TFEC: variants seen among roughly 807,000 people sequenced by gnomAD.
TFEC encodes the protein class E basic helix-loop-helix protein 34.
TFEC carries 31 observed loss-of-function variants against 41.6 expected under a neutral mutation model. The ratio of observed to expected loss-of-function variants is 0.74; its 90% CI spans 0.56 to 1.01. The LOEUF (loss-of-function observed/expected upper bound fraction) is 1.01. TFEC is among the 50% of genes least tolerant of loss of function. The pLI, the probability that TFEC is intolerant of heterozygous loss-of-function variation, is 0.00. For missense variants in TFEC, 402 were observed against 404.1 expected, an observed-to-expected ratio of 0.99 and a Z score of 0.04; for synonymous variants, 143 against 140.6, an observed-to-expected ratio of 1.02 and a Z score of -0.12.
chr7:116,022,681 T>C (rs1259764234), intron 1 of TFEC, among the ~76,000 whole-genome samples: 1 of 152,188 alleles, frequency 6.6e-6, no homozygotes, highest in South Asian at 2.1e-4. Flanking sequence ...TGTTCAAATA[T>C]AGTATTTTGT....
chr7:115,980,966 A>G (rs1793605626), intron 2 of TFEC, among the ~76,000 whole-genome samples: 1 of 152,170 alleles, frequency 6.6e-6, no homozygotes, highest in African/African-American at 2.4e-5. Flanking sequence ...ATGAGATAAT[A>G]TAAGATTATT....
chr7:116,059,597 T>C (rs1032486976), intron 3 of TFEC, among the ~76,000 whole-genome samples: 14 of 151,944 alleles, frequency 9.2e-5, no homozygotes, highest in Non-Finnish European at 8.8e-5. Flanking sequence ...AACAAATATC[T>C]TGCAAAACAA....
At chr7:115,992,071 T>C (rs1329273112) in intron 1 of TFEC, among the ~76,000 whole-genome samples, 1 of 152,046 alleles carries the variant, frequency 6.6e-6, no homozygotes, top group Non-Finnish European at 1.5e-5. Context: ...ACCACACAAC[T>C]ACATGGAAAC....
intron 3 of TFEC, among the ~76,000 whole-genome samples, chr7:116,083,353 TA>T (rs950741300): frequency 7.9e-5 from 12 of 151,212 alleles, no homozygotes; most frequent in Admixed American, 3.3e-4. Flanking sequence ...AGCATAAATC[TA>T]AAAAAAAATT....
In TFEC at chr7:115,936,974, G is replaced by A. The variant is rs142816872; in HGVS notation, c.*3577C>T. On this transcript the variant is annotated 3_prime_UTR_variant, in exon 8 of 8. Transcript: ENST00000265440. ...CCATCTGTACATATATTCTCCATTT[G>A]ATATAGGAAAAATTCAAGAAGAAAA... 4.0e-5 allele frequency: 6 copies of A among 151,282 alleles called. No homozygotes were observed. The highest frequency in any genetic ancestry group is 1.2e-4 in the African/African-American group (5 of 41,372). 9.4% of individuals were successfully genotyped at this position (151,282 alleles called of 1,614,324 possible). A position where few individuals can be genotyped will look rare whatever the true frequency, so the allele number is the denominator to read the frequency against.
At chr7:116,023,303 T>G (rs1294286550) in intron 1 of TFEC, among the ~76,000 whole-genome samples, 2 of 152,208 alleles carry the variant, frequency 1.3e-5, no homozygotes, top group Non-Finnish European at 2.9e-5. Context: ...AAGACTCATG[T>G]ATTCCAAAGT....
chr7:115,979,716 G>A (rs1448570446), intron 2 of TFEC, among the ~76,000 whole-genome samples: 1 of 151,906 alleles, frequency 6.6e-6, no homozygotes, highest in Non-Finnish European at 1.5e-5. Context: ...TCTCTTAACA[G>A]TCCCTTCATC....
chr7:116,022,391 G>C (rs900761253), intron 1 of TFEC, among the ~76,000 whole-genome samples: 17 of 152,144 alleles, frequency 1.1e-4, no homozygotes, highest in African/African-American at 4.1e-4. Context: ...AGCATTGTTT[G>C]AGCAGCATTT....
chr7:116,066,557 A>G (rs191916393), intron 3 of TFEC, among the ~76,000 whole-genome samples: 233 of 152,176 alleles, frequency 1.5e-3, no homozygotes, highest in African/African-American at 5.4e-3. Context: ...TATCTTTGGG[A>G]GTAAAAATTT....
intron 3 of TFEC, among the ~76,000 whole-genome samples, chr7:116,098,867 A>AAATGAAGG (rs1208332693): frequency 2.5e-4 from 29 of 115,044 alleles, no homozygotes; most frequent in Non-Finnish European, 3.7e-4. Flanking sequence ...GAGAGGAAGA[A>AAATGAAGG]AAGGAAGGAA....
chr7:115,980,622 T>C (rs1793584083), intron 2 of TFEC, among the ~76,000 whole-genome samples: 1 of 152,020 alleles, frequency 6.6e-6, no homozygotes, highest in African/African-American at 2.4e-5. Flanking sequence ...TGGTGGCTTG[T>C]GCCTGTAGTC....
intron 3 of TFEC, among the ~76,000 whole-genome samples, chr7:116,054,603 C>T (rs1796385896): frequency 6.6e-6 from 1 of 151,980 alleles, no homozygotes; most frequent in African/African-American, 2.4e-5. Context: ...CCAGATTTAG[C>T]AAATAAAAAA....
intron 1 of TFEC, among the ~76,000 whole-genome samples, chr7:116,134,353 AAG>A (rs1798394792): frequency 6.6e-6 from 1 of 152,218 alleles, no homozygotes; most frequent in African/African-American, 2.4e-5. Context: ...AATAAAAAGA[AAG>A]AGGGAAGGAA....
Position 116,000,531 on chromosome 7 carries a change from C to T in TFEC, c.-72-16018G>A, listed in dbSNP as rs551385710. On this transcript the variant is annotated intron_variant, in intron 1 of 7. Coordinates refer to ENST00000265440, the MANE Select transcript of TFEC (RefSeq NM_012252.4). ...TGTGTTTGCAGATTAAATGATCCTA[C>T]ATTTGGAAAAACCTAAAGACTCCAC... Among the ~76,000 whole-genome samples, 17 of 152,208 alleles carry T rather than the reference C, an allele frequency of 1.1e-4. No homozygotes were observed. The South Asian group carries it at 3.1e-3, about 28-fold the overall frequency.
At chr7:115,956,865 T>C in intron 3 of TFEC, 72 bp from the exon 4 acceptor site, 1 of 869,566 alleles carries the variant, frequency 1.2e-6, no homozygotes, top group Non-Finnish European at 1.6e-6. Context: ...TTATATATAT[T>C]ACATTTTCCA....
In TFEC at chr7:115,984,399, A is replaced by G. The variant is rs1663158074; in HGVS notation, c.43T>C (p.Ser15Pro). Residue 15 changes from serine to proline, a missense_variant, in exon 2 of 8, where the codon TCA becomes CCA. Coordinates refer to ENST00000265440, the MANE Select transcript of TFEC (RefSeq NM_012252.4). ...CCACCACTTGGCACTGCAGGTTGTG[A>G]CCATTTAAGAGTTGGATTGATGATC... ...HQIINPTLKW[S>P]QPAVPSGGPL... 6.2e-7 allele frequency: 1 copy of G among 1,614,004 alleles called. No individual in the cohort carries two copies. The highest frequency in any genetic ancestry group is 1.3e-5 in the African/African-American group (1 of 74,924).
intron 3 of TFEC, among the ~76,000 whole-genome samples, chr7:116,097,128 G>A (rs1797484000): frequency 6.6e-6 from 1 of 151,776 alleles, no homozygotes; most frequent in Admixed American, 6.6e-5. Flanking sequence ...AAGAAAGTGG[G>A]CAGGATAAAA....
intron 3 of TFEC, among the ~76,000 whole-genome samples, chr7:116,062,716 T>G: frequency 6.6e-6 from 1 of 151,822 alleles, no homozygotes; most frequent in Non-Finnish European, 1.5e-5. Flanking sequence ...TAATGACTTC[T>G]TTTCCTCTGG....
chr7:116,152,145 A>T (rs1798774929), intron 1 of TFEC, among the ~76,000 whole-genome samples: 1 of 152,058 alleles, frequency 6.6e-6, no homozygotes, highest in Non-Finnish European at 1.5e-5. Context: ...AATGTCAAGG[A>T]CTCCCATTGC....
Sources: allele counts gnomAD v4.1 joint callset (sites outside exome capture counted in the v4.1 genomes callset), GRCh38; gene constraint gnomAD v4.1.1; transcripts MANE v1.5; gene names NCBI Gene and HGNC (gene_info 2026-07-23, HGNC 2026-07-21).